Variants in SYCP2L observed in about 807,000 individuals in gnomAD.
The protein encoded by SYCP2L is synaptonemal complex protein 2 like.
Under a neutral mutation model 125.8 loss-of-function variants are expected in SYCP2L, and 98 were observed. The observed-to-expected ratio is 0.78, with a 90% confidence interval of 0.66 to 0.92. The LOEUF is 0.92. Among genes scored for constraint, SYCP2L ranks in the 40% least tolerant of loss-of-function variants. The probability of loss-of-function intolerance (pLI) is 0.00; values close to 1 mark genes in which losing one functional copy is unlikely to be tolerated. For missense variants in SYCP2L, 842 were observed against 936.4 expected (o/e 0.90, Z 1.32); for synonymous variants, 317 against 325.4 (o/e 0.97, Z 0.28).
chr6:10,893,259 A>G (rs1305498438), intron 2 of SYCP2L, among the ~76,000 whole-genome samples: 1 of 152,186 alleles, frequency 6.6e-6, no homozygotes, highest in Non-Finnish European at 1.5e-5. Context: ...TGGCCTCCCA[A>G]AGTGCTGGGA....
chr6:10,943,096 G>A (rs1353504639), intron 23 of SYCP2L, among the ~76,000 whole-genome samples: 1 of 152,152 alleles, frequency 6.6e-6, no homozygotes. Flanking sequence ...TCTCAAGCAT[G>A]TAGGTCACTT....
chr6:10,971,786 C>T (rs936230050), intron 29 of SYCP2L, among the ~76,000 whole-genome samples: 1 of 109,240 alleles, frequency 9.2e-6, no homozygotes, highest in Non-Finnish European at 1.8e-5. Context: ...GAGGTTCAAG[C>T]GATTCTCCTG....
In SYCP2L at chr6:10,893,417, C is replaced by T. The variant is rs531134283; in HGVS notation, c.79-450C>T. ...TATAATTATTAGTATTATTTTTCTT[C>T]CTTCTATTATGATCATTTATGTCAC... On this transcript the variant is annotated intron_variant, in intron 2 of 29. Transcript: ENST00000283141. Among the ~76,000 whole-genome samples, 142 of 152,250 alleles carry T rather than the reference C, an allele frequency of 9.3e-4. 1 individual carries two copies. Among genetic ancestry groups the T allele is most frequent in the African/African-American group, 3.3e-3 (138 of 41,526 alleles).
Position 10,904,629 on chromosome 6 carries a change from A to T in SYCP2L, c.642-1391A>T, listed in dbSNP as rs182416881. 2.4e-3 allele frequency among the ~76,000 whole-genome samples: 365 copies of T among 152,228 alleles called. 2 individuals are homozygous for T. Among genetic ancestry groups the T allele is most frequent in the Middle Eastern group, 6.8e-3 (2 of 294 alleles). On this transcript the variant is annotated intron_variant, in intron 8 of 29. Transcript: ENST00000283141. ...AACTAATCTTTGAACACACTACCTT[A>T]TTGTCTGTGTGTTCTAGAAAGTCTG... is the stretch of plus-strand genomic sequence containing the variant.
intron 1 of SYCP2L, among the ~76,000 whole-genome samples, chr6:10,889,714 G>A (rs113185654): frequency 0.023 from 3,452 of 150,056 alleles, 64 homozygotes; most frequent in Non-Finnish European, 0.037. Flanking sequence ...TCCGCGTCCC[G>A]GGTTCAAGCG....
chr6:10,950,716 G>A (rs1241823896), intron 23 of SYCP2L, among the ~76,000 whole-genome samples: 2 of 152,088 alleles, frequency 1.3e-5, no homozygotes, highest in South Asian at 2.1e-4. Flanking sequence ...ACTGGAGTAC[G>A]GTGTGCAATT....
intron 16 of SYCP2L, 119 bp from the exon 17 acceptor site, chr6:10,927,121 A>G (rs1780911882): frequency 2.0e-6 from 3 of 1,465,170 alleles, no homozygotes; most frequent in South Asian, 2.9e-5. Context: ...GGCAGGACCT[A>G]ATTACCAGGT....
intron 18 of SYCP2L, 22 bp from the exon 19 acceptor site, chr6:10,930,348 C>G: frequency 6.3e-7 from 1 of 1,597,126 alleles, no homozygotes; most frequent in Non-Finnish European, 8.5e-7. Flanking sequence ...TAAAAATTCT[C>G]ATTTATGATC....
chr6:10,910,199 A>T lies in SYCP2L; in HGVS notation c.871A>T (p.Arg291Trp), dbSNP rs905595849. 9 of 1,613,636 alleles carry T rather than the reference A, an allele frequency of 5.6e-6. No homozygotes were observed. The highest frequency in any genetic ancestry group is 3.3e-5 in the South Asian group (3 of 91,060). Residue 291 changes from arginine to tryptophan, a missense_variant and splice_region_variant, in exon 11 of 30, where the codon AGG becomes TGG. Arg to Trp is a moderately radical substitution (Grantham distance 101). Coordinates refer to ENST00000283141, the MANE Select transcript of SYCP2L (RefSeq NM_001040274.3). Reference protein sequence around the residue: ...HLNNRLGDQRRVYSFPCIAAF... With the variant: ...HLNNRLGDQRWVYSFPCIAAF... Reference sequence around the variant, plus strand: ...AAACAACAGACTTGGTGACCAAAGAAGGTAAGTTGTGTCTCTGAGCATTAT... The same window carrying T: ...AAACAACAGACTTGGTGACCAAAGATGGTAAGTTGTGTCTCTGAGCATTAT...
chr6:10,934,572 C>T (rs1276181426), intron 20 of SYCP2L, among the ~76,000 whole-genome samples: 2 of 152,206 alleles, frequency 1.3e-5, no homozygotes, highest in Non-Finnish European at 2.9e-5. Flanking sequence ...TCCAGCTACT[C>T]ATGAGGCTGA....
intron 16 of SYCP2L, among the ~76,000 whole-genome samples, chr6:10,927,024 G>A (rs557016311): frequency 1.3e-5 from 2 of 152,032 alleles, no homozygotes; most frequent in African/African-American, 4.8e-5. Flanking sequence ...CAAGTGATCT[G>A]CCCATTTTGG....
chr6:10,927,004 C>A (rs1367024433), intron 16 of SYCP2L, among the ~76,000 whole-genome samples: 1 of 152,146 alleles, frequency 6.6e-6, no homozygotes, highest in Non-Finnish European at 1.5e-5. Flanking sequence ...TGGTCTCAAA[C>A]TCCTGGCCTC....
intron 25 of SYCP2L, among the ~76,000 whole-genome samples, chr6:10,958,364 C>G (rs1781540757): frequency 6.6e-6 from 1 of 152,082 alleles, no homozygotes; most frequent in Admixed American, 6.6e-5. Context: ...ATAGGGAGAG[C>G]AGGAGCAAGG....
rs200085750 is a variant in SYCP2L, at chr6:10,921,723, T to G, written c.1073-2773T>G. ...TCCTTTGACCACCTTTTTTTTTTTT[T>G]GAGATGGAGTCTCGCTCTGTCGCCC... On this transcript the variant is annotated intron_variant, in intron 14 of 29. Transcript: ENST00000283141. Among the ~76,000 whole-genome samples, 8 of 152,092 alleles carry G rather than the reference T, an allele frequency of 5.3e-5. 1 individual carries two copies. In the East Asian group the frequency reaches 1.4e-3, roughly 26 times the overall value.
In SYCP2L at chr6:10,939,144, A is replaced by G. The variant is rs552895130; in HGVS notation, c.1814-3315A>G. Reference sequence around the variant, plus strand: ...CAAAAAAAAAAAGAAAATTTCATTGATAATAGCTTACAAAAAACACATAAA... The same window carrying G: ...CAAAAAAAAAAAGAAAATTTCATTGGTAATAGCTTACAAAAAACACATAAA... On this transcript the variant is annotated intron_variant, in intron 21 of 29. Transcript: ENST00000283141. Among the ~76,000 whole-genome samples the G allele has an allele frequency of 2.4e-4, 36 of 152,226 alleles. 1 individual carries two copies. The highest frequency in any genetic ancestry group is 7.5e-4 in the African/African-American group (31 of 41,536).
At chr6:10,895,609 A>G (rs931419757) in intron 4 of SYCP2L, among the ~76,000 whole-genome samples, 3 of 143,430 alleles carry the variant, frequency 2.1e-5, no homozygotes, top group African/African-American at 7.4e-5. Flanking sequence ...AACAAAGGCA[A>G]AAAGGAGAAA....
intron 4 of SYCP2L, among the ~76,000 whole-genome samples, chr6:10,895,248 A>G (rs1292903979): frequency 3.3e-5 from 5 of 152,174 alleles, no homozygotes; most frequent in Non-Finnish European, 7.3e-5. Flanking sequence ...TTGGAACCCT[A>G]AGCTGACCTT....
chr6:10,905,930 T>A, intron 8 of SYCP2L, 90 bp from the exon 9 acceptor site: 1 of 803,672 alleles, frequency 1.2e-6, no homozygotes, highest in Non-Finnish European at 2.0e-6. Flanking sequence ...CAGAAACATA[T>A]ACTTTGGTTT....
intron 20 of SYCP2L, among the ~76,000 whole-genome samples, chr6:10,933,029 C>T (rs1781025398): frequency 6.6e-6 from 1 of 152,250 alleles, no homozygotes; most frequent in African/African-American, 2.4e-5. Context: ...GCTGGGATTA[C>T]AGGCGTGAGC....
Sources: gnomAD v4.1 joint callset for allele counts (sites outside exome capture counted in the v4.1 genomes callset) on GRCh38, gnomAD v4.1.1 for gene constraint, MANE v1.5 for transcripts, NCBI Gene and HGNC (gene_info 2026-07-23, HGNC 2026-07-21) for gene names.